The following GRIK3 variants were observed in gnomAD, a reference collection of about 807,000 sequenced individuals.
GRIK3 encodes glutamate receptor ionotropic, kainate 3.
In GRIK3, 29 loss-of-function variants were observed where a neutral mutation model predicts 102.5. That is an observed-to-expected ratio of 0.28 (90% CI 0.21 to 0.39). The LOEUF is 0.39. Among genes scored for constraint, GRIK3 ranks in the 10% least tolerant of loss-of-function variants. The pLI, the probability that GRIK3 is intolerant of heterozygous loss-of-function variation, is 1.00. For missense variants in GRIK3, 908 were observed against 1,252.4 expected (o/e 0.73, Z 4.15); for synonymous variants, 511 against 504.9 (o/e 1.01, Z -0.16).
At chr1:36,958,524 C>G (rs572827702) in intron 1 of GRIK3, among the ~76,000 whole-genome samples, 127 of 143,296 alleles carry the variant, frequency 8.9e-4, no homozygotes, top group Non-Finnish European at 1.7e-3. Flanking sequence ...GCCCCATAAG[C>G]CTGTGTGTCC....
At chr1:36,808,430 G>A (rs1309118538) in intron 13 of GRIK3, among the ~76,000 whole-genome samples, 1 of 152,234 alleles carries the variant, frequency 6.6e-6, no homozygotes, top group Non-Finnish European at 1.5e-5. Context: ...GGTTACAAGA[G>A]ACTGTGACTG....
chr1:36,946,865 T>G (rs1197599823), intron 1 of GRIK3, among the ~76,000 whole-genome samples: 2 of 152,126 alleles, frequency 1.3e-5, no homozygotes, highest in African/African-American at 4.8e-5. Flanking sequence ...CAACAGGCTG[T>G]CAGGTACCCC....
chr1:36,805,995 T>G (rs938405164), intron 14 of GRIK3, 109 bp downstream of exon 14: 7 of 584,938 alleles, frequency 1.2e-5, no homozygotes, highest in Non-Finnish European at 2.1e-5. Flanking sequence ...AAACGTCACC[T>G]TTATCAGCCC....
intron 1 of GRIK3, among the ~76,000 whole-genome samples, chr1:36,978,383 C>T (rs1412864664): frequency 6.6e-6 from 1 of 152,248 alleles, no homozygotes; most frequent in Admixed American, 6.5e-5. Context: ...AGCAGACCTC[C>T]ACAGGTTTAT....
At chr1:37,001,731 T>A (rs548354408) in intron 1 of GRIK3, among the ~76,000 whole-genome samples, 1 of 152,260 alleles carries the variant, frequency 6.6e-6, no homozygotes, top group East Asian at 1.9e-4. Flanking sequence ...AAACCTGAGA[T>A]AAAGATTGAA....
At position 36,819,557 on chromosome 1, in the gene GRIK3, T is replaced by C. The variant is rs1321387613; in HGVS notation, c.1873+179A>G. 6.6e-6 allele frequency among the ~76,000 whole-genome samples: 1 copy of C among 152,178 alleles called. No homozygotes were observed. Among genetic ancestry groups the C allele is most frequent in the Non-Finnish European group, 1.5e-5 (1 of 68,028 alleles). Reference sequence around the variant, plus strand: ...CTCCAGCCAGAGTGAAGGTGGAAGTTAGGGGTCTGGGGCAAGGGCACACAC... The same window carrying C: ...CTCCAGCCAGAGTGAAGGTGGAAGTCAGGGGTCTGGGGCAAGGGCACACAC... On this transcript the variant is annotated intron_variant, in intron 12 of 15. Coordinates refer to ENST00000373091, the MANE Select transcript of GRIK3 (RefSeq NM_000831.4). The surrounding 1 kb of genome is among the most constrained non-coding windows in gnomAD (Gnocchi z 4.1).
At chr1:36,968,038 G>T (rs907932015) in intron 1 of GRIK3, among the ~76,000 whole-genome samples, 6 of 152,182 alleles carry the variant, frequency 3.9e-5, no homozygotes, top group African/African-American at 1.4e-4. Flanking sequence ...GAGAAACTGA[G>T]CTGGCAGAGC....
At chr1:36,887,630 C>T (rs1355451740) in intron 2 of GRIK3, among the ~76,000 whole-genome samples, 2 of 151,732 alleles carry the variant, frequency 1.3e-5, no homozygotes, top group Admixed American at 6.6e-5. Flanking sequence ...GTGGTGGATG[C>T]CTGTAATCCC....
chr1:36,910,823 T>G (rs537043991), intron 1 of GRIK3, among the ~76,000 whole-genome samples: 1 of 152,326 alleles, frequency 6.6e-6, no homozygotes, highest in East Asian at 1.9e-4. Context: ...TGCTGGGCAC[T>G]AGGTGAGTCA....
intron 13 of GRIK3, among the ~76,000 whole-genome samples, chr1:36,810,128 G>T (rs568838227): frequency 1.1e-4 from 17 of 152,156 alleles, no homozygotes; most frequent in Admixed American, 1.1e-3. Context: ...CCCTGTAAAG[G>T]TTCCTTGTGG....
chr1:36,864,784 G>A (rs1243802467), intron 5 of GRIK3, among the ~76,000 whole-genome samples: 2 of 151,686 alleles, frequency 1.3e-5, no homozygotes, highest in Non-Finnish European at 2.9e-5. Context: ...CCCCATCCCC[G>A]TGATACGAGG....
intron 1 of GRIK3, among the ~76,000 whole-genome samples, chr1:36,996,495 G>A (rs16823746): frequency 0.012 from 1,789 of 152,270 alleles, 35 homozygotes; most frequent in African/African-American, 0.039. Context: ...GCCAAGACAC[G>A]CGGGGCAGCT....
At position 36,806,345 on chromosome 1, in the gene GRIK3, G is replaced by A; in HGVS notation, c.2092-19C>T. 5.9e-6 allele frequency: 9 copies of A among 1,537,760 alleles called. No homozygotes were observed. Among genetic ancestry groups the A allele is most frequent in the East Asian group, 2.3e-5 (1 of 44,376 alleles). On this transcript the variant is annotated intron_variant, in intron 13 of 15. Coordinates refer to ENST00000373091, the MANE Select transcript of GRIK3 (RefSeq NM_000831.4). This position sits in a 1 kb window ranked among gnomAD's most constrained non-coding sequence, Gnocchi z 4.0. ...TGGATTTCTGGGCCGTGAGGGAAGG[G>A]GTGATGCACACACCGTTACTAGGCG...
intron 1 of GRIK3, among the ~76,000 whole-genome samples, chr1:36,969,170 CAG>C (rs955090518): frequency 1.3e-5 from 2 of 152,198 alleles, no homozygotes; most frequent in African/African-American, 4.8e-5. Context: ...AGAGTGTCAA[CAG>C]GGGCTGAGCA....
Position 36,930,796 on chromosome 1 carries a change from C to G in GRIK3, c.116-39700G>C, listed in dbSNP as rs74064805. On this transcript the variant is annotated intron_variant, in intron 1 of 15. Transcript: ENST00000373091. ...GTACCATTTCCCTGAGTGACTTTGT[C>G]ACCACTATCCAAGGGAACAATAGGA... Among the ~76,000 whole-genome samples, 441 of 152,302 alleles carry G rather than the reference C, an allele frequency of 2.9e-3. 2 individuals carry two copies. Among genetic ancestry groups the G allele is most frequent in the African/African-American group, 1.0e-2 (415 of 41,570 alleles).
At chr1:36,824,917 G>GT (rs1642738743) in intron 11 of GRIK3, among the ~76,000 whole-genome samples, 1 of 152,200 alleles carries the variant, frequency 6.6e-6, no homozygotes, top group Admixed American at 6.5e-5. Context: ...CTCTTTAAGG[G>GT]AGGCTGGAAG....
At chr1:36,924,637 G>T (rs1570801893) in intron 1 of GRIK3, among the ~76,000 whole-genome samples, 1 of 152,180 alleles carries the variant, frequency 6.6e-6, no homozygotes, top group East Asian at 1.9e-4. Flanking sequence ...GAAGGGGTCA[G>T]CGCTGGCCTT....
At chr1:36,898,513 A>G (rs1262837774) in intron 1 of GRIK3, among the ~76,000 whole-genome samples, 2 of 152,194 alleles carry the variant, frequency 1.3e-5, no homozygotes, top group Non-Finnish European at 2.9e-5. Flanking sequence ...TCTTCAAAAC[A>G]TTGTTGAAGG....
chr1:36,813,989 AGTT>A (rs1360541727), intron 13 of GRIK3, among the ~76,000 whole-genome samples: 3 of 152,094 alleles, frequency 2.0e-5, no homozygotes, highest in African/African-American at 4.8e-5. Context: ...GGGGGTGTGG[AGTT>A]GTTGTTTCTG....
Sources: allele counts gnomAD v4.1 joint callset (sites outside exome capture counted in the v4.1 genomes callset), GRCh38; gene constraint gnomAD v4.1.1; non-coding constraint Gnocchi (gnomAD v3.1); transcripts MANE v1.5; gene names NCBI Gene and HGNC (gene_info 2026-07-23, HGNC 2026-07-21).